The following ZFPM2 variants were observed in gnomAD, a reference collection of about 807,000 sequenced individuals.
ZFPM2 encodes the protein zinc finger protein ZFPM2.
A neutral mutation model predicts 98.6 loss-of-function variants in ZFPM2; 20 were observed. The observed-to-expected ratio is 0.20, with a 90% CI of 0.14 to 0.29. ZFPM2 has a LOEUF of 0.29. Ranked by LOEUF, ZFPM2 falls within the 10% of genes least tolerant of loss-of-function variation. The pLI is 1.00. For synonymous variants in ZFPM2, 518 were observed against 502.7 expected (o/e 1.03, Z -0.41); for missense variants, 1,310 against 1,388.6 (o/e 0.94, Z 0.90).
At chr8:105,585,331 C>G (rs1239820009) in intron 4 of ZFPM2, among the ~76,000 whole-genome samples, 1 of 151,948 alleles carries the variant, frequency 6.6e-6, no homozygotes, top group Non-Finnish European at 1.5e-5. Flanking sequence ...TTTTCTAACC[C>G]CTCCTCCAAA....
chr8:105,380,348 A>G (rs1321432826), intron 1 of ZFPM2, among the ~76,000 whole-genome samples: 3 of 151,216 alleles, frequency 2.0e-5, no homozygotes, highest in African/African-American at 7.3e-5. Flanking sequence ...CACCCACTTT[A>G]TGCTCATTTT....
In ZFPM2 at chr8:105,330,583, T is replaced by C. The variant is rs1314952265; in HGVS notation, c.40+11602T>C. Among the ~76,000 whole-genome samples the C allele has an allele frequency of 1.1e-3, 45 of 42,262 alleles. 1 individual carries two copies. Among genetic ancestry groups the C allele is most frequent in the African/African-American group, 3.2e-3 (33 of 10,390 alleles). The allele number at this position is 42,262 out of a possible 152,430, so 27.7% of individuals were successfully genotyped here. On this transcript the variant is annotated intron_variant, in intron 1 of 7. Transcript: ENST00000407775. ...ATATATATATACATATATATATACA[T>C]ATATATATATACATATATATATATA...
intron 5 of ZFPM2, among the ~76,000 whole-genome samples, chr8:105,775,097 GCAAAA>G (rs1813070213): frequency 7.6e-6 from 1 of 130,916 alleles, no homozygotes; most frequent in Non-Finnish European, 1.6e-5. Context: ...AAAAAAAAAA[GCAAAA>G]CAAGAGTAAT....
At chr8:105,399,917 C>T (rs1811303418) in intron 1 of ZFPM2, among the ~76,000 whole-genome samples, 2 of 152,022 alleles carry the variant, frequency 1.3e-5, no homozygotes. Flanking sequence ...AGGCATGCAC[C>T]ACTGCACCTG....
At chr8:105,365,262 T>C (rs1810485312) in intron 1 of ZFPM2, among the ~76,000 whole-genome samples, 1 of 152,168 alleles carries the variant, frequency 6.6e-6, no homozygotes, top group Admixed American at 6.6e-5. Flanking sequence ...GTCTGATCTT[T>C]CCTCAGCTTA....
chr8:105,473,100 A>G (rs1354180732), intron 3 of ZFPM2, among the ~76,000 whole-genome samples: 1 of 151,798 alleles, frequency 6.6e-6, no homozygotes, highest in Non-Finnish European at 1.5e-5. Context: ...TGGGGCATCA[A>G]TATGTTGCTT....
chr8:105,795,641 G>A (rs1167666696), intron 6 of ZFPM2: 2 of 260,720 alleles, frequency 7.7e-6, no homozygotes, highest in African/African-American at 2.3e-5. Context: ...TGCATGATAA[G>A]CTTAGAACAC....
chr8:105,331,631 G>T (rs755572772), intron 1 of ZFPM2, among the ~76,000 whole-genome samples: 7 of 151,664 alleles, frequency 4.6e-5, no homozygotes, highest in Non-Finnish European at 8.9e-5. Context: ...TTTTAGGTTA[G>T]GGTCTATAGG....
At chr8:105,628,466 AG>A (rs1271164562) in intron 4 of ZFPM2, among the ~76,000 whole-genome samples, 1 of 152,172 alleles carries the variant, frequency 6.6e-6, no homozygotes, top group Non-Finnish European at 1.5e-5. Context: ...CAAGCCAAAA[AG>A]CCTGAAACTG....
chr8:105,547,464 C>T (rs1344044466), intron 3 of ZFPM2, among the ~76,000 whole-genome samples: 1 of 148,656 alleles, frequency 6.7e-6, no homozygotes, highest in Non-Finnish European at 1.5e-5. Flanking sequence ...ATTGCTTGAA[C>T]CCGGGAGGCG....
chr8:105,709,103 C>T (rs1811324576), intron 5 of ZFPM2, among the ~76,000 whole-genome samples: 1 of 152,076 alleles, frequency 6.6e-6, no homozygotes, highest in Admixed American at 6.5e-5. Context: ...AAGATGGGCT[C>T]TCTGATGTGC....
chr8:105,803,599 G>GAA lies in ZFPM2; in HGVS notation c.*69_*70dup. On this transcript the variant is annotated 3_prime_UTR_variant, in exon 8 of 8. Coordinates refer to ENST00000407775, the MANE Select transcript of ZFPM2 (RefSeq NM_012082.4). Reference sequence around the variant, plus strand: ...TTAGTATGTTGTTCTAACCAGTCCAGAAAAAAAAATAAGCTGTTTGAATTA... The same window carrying GAA: ...TTAGTATGTTGTTCTAACCAGTCCAGAAAAAAAAAAATAAGCTGTTTGAATTA... 4 of 1,415,200 alleles carry GAA rather than the reference G, an allele frequency of 2.8e-6. No homozygotes were observed. The highest frequency in any genetic ancestry group is 3.8e-6 in the Non-Finnish European group (4 of 1,047,650). The allele number at this position is 1,415,200 out of a possible 1,614,324, so 87.7% of individuals were successfully genotyped here.
At chr8:105,529,401 A>G (rs530642739) in intron 3 of ZFPM2, among the ~76,000 whole-genome samples, 3 of 152,244 alleles carry the variant, frequency 2.0e-5, no homozygotes, top group South Asian at 2.1e-4. Context: ...TTGCCATCAA[A>G]TATTACTGTA....
At chr8:105,734,225 C>T (rs1318246859) in intron 5 of ZFPM2, among the ~76,000 whole-genome samples, 1 of 151,900 alleles carries the variant, frequency 6.6e-6, no homozygotes, top group East Asian at 1.9e-4. Flanking sequence ...TAGAACCCCA[C>T]CAGCGATGAC....
At chr8:105,661,304 T>C (rs535067431) in intron 5 of ZFPM2, among the ~76,000 whole-genome samples, 1 of 152,260 alleles carries the variant, frequency 6.6e-6, no homozygotes, top group African/African-American at 2.4e-5. Flanking sequence ...AATAAGAATT[T>C]GGAGGTTTTT....
intron 3 of ZFPM2, among the ~76,000 whole-genome samples, chr8:105,481,027 G>A (rs991896459): frequency 1.3e-5 from 2 of 152,172 alleles, no homozygotes; most frequent in African/African-American, 4.8e-5. Context: ...TGGGATTACA[G>A]GCGTGAGCCA....
At chr8:105,693,985 T>C (rs1043747091) in intron 5 of ZFPM2, among the ~76,000 whole-genome samples, 17 of 78,962 alleles carry the variant, frequency 2.2e-4, no homozygotes, top group African/African-American at 6.1e-4. Flanking sequence ...CTTTTCTTTT[T>C]TTTTTTTTTT....
intron 6 of ZFPM2, 31 bp downstream of exon 6, chr8:105,788,955 T>A (rs1443266164): frequency 1.3e-6 from 2 of 1,542,778 alleles, no homozygotes; most frequent in South Asian, 2.5e-5. Context: ...AGCCCAGCTT[T>A]AGAGGTGATG....
intron 3 of ZFPM2, among the ~76,000 whole-genome samples, chr8:105,478,849 C>G (rs536275511): frequency 2.9e-4 from 44 of 152,302 alleles, no homozygotes; most frequent in African/African-American, 1.0e-3. Context: ...TTATCCTACT[C>G]TAGCAAGGAT....
Sources: allele counts gnomAD v4.1 joint callset (sites outside exome capture counted in the v4.1 genomes callset), GRCh38; gene constraint gnomAD v4.1.1; transcripts MANE v1.5; gene names NCBI Gene and HGNC (gene_info 2026-07-23, HGNC 2026-07-21).